AAGAB: variants seen among roughly 807,000 people sequenced by gnomAD.
AAGAB encodes the protein alpha- and gamma-adaptin-binding protein p34.
AAGAB carries 38 observed loss-of-function variants against 44.1 expected under a neutral mutation model. The observed-to-expected ratio is 0.86, with a 90% CI of 0.67 to 1.13. The LOEUF (loss-of-function observed/expected upper bound fraction) is 1.13, where lower values mean the gene tolerates loss of function less well. Among genes scored for constraint, AAGAB ranks in the 50% most tolerant of loss-of-function variants. AAGAB has a pLI of 0.00. For synonymous variants in AAGAB, 131 were observed against 131.8 expected, an observed-to-expected ratio of 0.99 and a Z score of 0.04; for missense variants, 450 against 373.8, an observed-to-expected ratio of 1.20 and a Z score of -1.68.
At chr15:67,247,655 T>C (rs1373408379) in intron 1 of AAGAB, among the ~76,000 whole-genome samples, 1 of 152,204 alleles carries the variant, frequency 6.6e-6, no homozygotes, top group East Asian at 1.9e-4. Flanking sequence ...GGACACCTTA[T>C]AATCATTTCA....
At chr15:67,254,911 T>C (rs1256466053), upstream of AAGAB, 3 of 1,613,774 alleles carry the variant, frequency 1.9e-6, no homozygotes, top group Non-Finnish European at 2.5e-6. Context: ...CACAGAACAC[T>C]GAAAACCACG....
chr15:67,253,297 A>T (rs1320300259), intron 1 of AAGAB, among the ~76,000 whole-genome samples: 2 of 143,848 alleles, frequency 1.4e-5, no homozygotes, highest in African/African-American at 5.5e-5. Context: ...GCGTGGTGGC[A>T]CACACCTGTA....
intron 5 of AAGAB, among the ~76,000 whole-genome samples, chr15:67,211,456 T>C (rs1963818731): frequency 6.6e-6 from 1 of 152,194 alleles, no homozygotes; most frequent in East Asian, 1.9e-4. Context: ...TGTCCTACGA[T>C]GACAGTTTCA....
chr15:67,213,636 T>C (rs553727961), intron 5 of AAGAB, among the ~76,000 whole-genome samples: 1 of 152,192 alleles, frequency 6.6e-6, no homozygotes, highest in Non-Finnish European at 1.5e-5. Flanking sequence ...AATTTGGAAA[T>C]AAGGCATGGA....
intron 7 of AAGAB, among the ~76,000 whole-genome samples, chr15:67,205,819 A>G (rs979757927): frequency 2.6e-5 from 4 of 152,108 alleles, no homozygotes; most frequent in African/African-American, 7.2e-5. Flanking sequence ...GTAAAGAGAT[A>G]AGGAGGAAGA....
In AAGAB at chr15:67,231,795, T is replaced by C. The variant is rs749628183; in HGVS notation, c.535+19A>G. The stretch of plus-strand genomic sequence containing the variant: ...AAGGAACAAGAGGAAAAAAATGACT[T>C]GAGTCCCAAGTTACTTACCATTCTT... On this transcript the variant is annotated intron_variant, in intron 5 of 9. Coordinates refer to ENST00000261880, the MANE Select transcript of AAGAB (RefSeq NM_024666.5). 1 of 1,588,478 alleles carries C rather than the reference T, an allele frequency of 6.3e-7. No individual in the cohort carries two copies. The highest frequency in any genetic ancestry group is 1.1e-5 in the South Asian group (1 of 90,564).
rs1226998186 is a variant in AAGAB at position 67,217,148 on chromosome 15, A to AT, written c.536-7605dup. ...CATTTAGACAACTGTCAGAGTATCC[A>AT]TTTTTTTGGCTCTACAATATTAGGT... On this transcript the variant is annotated intron_variant, in intron 5 of 9. Coordinates refer to ENST00000261880, the MANE Select transcript of AAGAB (RefSeq NM_024666.5). 5.3e-5 allele frequency among the ~76,000 whole-genome samples: 8 copies of AT among 152,282 alleles called. No individual in the cohort carries two copies. In the South Asian group the frequency reaches 1.0e-3, roughly 20 times the overall value.
At chr15:67,220,287 A>G (rs1447235078) in intron 5 of AAGAB, among the ~76,000 whole-genome samples, 1 of 152,242 alleles carries the variant, frequency 6.6e-6, no homozygotes, top group Non-Finnish European at 1.5e-5. Context: ...CACGTCAGAG[A>G]GCACCTAGGC....
chr15:67,251,536 A>G (rs538099465), intron 1 of AAGAB, among the ~76,000 whole-genome samples: 1 of 152,334 alleles, frequency 6.6e-6, no homozygotes, highest in Non-Finnish European at 1.5e-5. Context: ...AATTCCAAGC[A>G]TGCACCACTG....
intron 4 of AAGAB, among the ~76,000 whole-genome samples, chr15:67,234,367 G>C (rs1964415013): frequency 6.6e-6 from 1 of 152,180 alleles, no homozygotes; most frequent in Non-Finnish European, 1.5e-5. Context: ...AATTGTGAAT[G>C]ACTTAATTCT....
At chr15:67,249,041 AT>A (rs906082610) in intron 1 of AAGAB, among the ~76,000 whole-genome samples, 41 of 149,116 alleles carry the variant, frequency 2.7e-4, no homozygotes, top group African/African-American at 6.4e-4. Context: ...TAACCCAGAA[AT>A]TTTTTTTTTT....
intron 1 of AAGAB, among the ~76,000 whole-genome samples, chr15:67,240,071 T>C (rs541661645): frequency 2.0e-5 from 3 of 152,222 alleles, no homozygotes; most frequent in Non-Finnish European, 4.4e-5. Flanking sequence ...CTTGAGTCTC[T>C]AATAATCACA....
chr15:67,245,253 A>T (rs1344528093), intron 1 of AAGAB, among the ~76,000 whole-genome samples: 2 of 152,246 alleles, frequency 1.3e-5, no homozygotes, highest in East Asian at 1.9e-4. Context: ...AGTGGAAACA[A>T]TCCAAATGTC....
chr15:67,241,384 G>A (rs1166122829), intron 1 of AAGAB, among the ~76,000 whole-genome samples: 1 of 152,200 alleles, frequency 6.6e-6, no homozygotes, highest in Non-Finnish European at 1.5e-5. Context: ...TTCTCAGAAT[G>A]CAAAGTTGGT....
chr15:67,249,460 G>A lies in AAGAB; in HGVS notation c.73+5099C>T, dbSNP rs190411480. On this transcript the variant is annotated intron_variant, in intron 1 of 9. Coordinates refer to ENST00000261880, the MANE Select transcript of AAGAB (RefSeq NM_024666.5). Reference sequence around the variant, plus strand: ...AGCATCTCTGAGTTCACTCAATTGAGAAAATAAAAATCCAGACACTGTTAG... The same window carrying A: ...AGCATCTCTGAGTTCACTCAATTGAAAAAATAAAAATCCAGACACTGTTAG... 5.9e-3 allele frequency among the ~76,000 whole-genome samples: 901 copies of A among 152,252 alleles called. 10 individuals carry two copies. The highest frequency in any genetic ancestry group is 0.021 in the African/African-American group (867 of 41,540).
chr15:67,208,608 C>T lies in AAGAB; in HGVS notation c.669G>A (p.Arg223=), dbSNP rs117853536. The T allele has an allele frequency of 1.2e-3, 2,017 of 1,614,130 alleles. 18 individuals are homozygous for T. The East Asian group carries it at 0.029, about 23-fold the overall frequency. ...CATCTGTTGTGTTAGATGCACCACC[C>T]CGATGATCAGAGAGGGATTCAGTAC... ...ADSTESLSDH[R]GGASNTTDAQ... Residue 223 remains arginine (R), a synonymous_variant, in exon 7 of 10, where the codon CGG becomes CGA. Transcript: ENST00000261880.
intron 5 of AAGAB, among the ~76,000 whole-genome samples, chr15:67,209,829 A>T (rs886956633): frequency 1.3e-4 from 19 of 151,428 alleles, no homozygotes; most frequent in African/African-American, 2.7e-4. Context: ...TTTTTTTTTA[A>T]AATTATTTCT....
At chr15:67,240,403 C>T (rs1452958825) in intron 1 of AAGAB, among the ~76,000 whole-genome samples, 1 of 152,182 alleles carries the variant, frequency 6.6e-6, no homozygotes, top group Non-Finnish European at 1.5e-5. Context: ...TCCTCCTGGT[C>T]GATGCCAGCC....
At chr15:67,208,770 A>G in intron 6 of AAGAB, 112 bp from the exon 7 acceptor site, 1 of 786,834 alleles carries the variant, frequency 1.3e-6, no homozygotes, top group South Asian at 1.8e-5. Context: ...GAGTAATAGG[A>G]ACTGGAGGCA....
Sources: gnomAD v4.1 joint callset for allele counts (sites outside exome capture counted in the v4.1 genomes callset) on GRCh38, gnomAD v4.1.1 for gene constraint, MANE v1.5 for transcripts, NCBI Gene and HGNC (gene_info 2026-07-23, HGNC 2026-07-21) for gene names.